Variants in RABGAP1L observed in about 807,000 individuals in gnomAD.
The protein encoded by RABGAP1L is RAB GTPase activating protein 1 like.
Under a neutral mutation model 137.7 loss-of-function variants are expected in RABGAP1L, and 63 were observed. That is an observed-to-expected ratio of 0.46 (90% CI 0.37 to 0.56). RABGAP1L has a LOEUF of 0.56. Ranked by LOEUF, RABGAP1L falls within the 20% of genes least tolerant of loss-of-function variation. The pLI, the probability that RABGAP1L is intolerant of heterozygous loss-of-function variation, is 0.00. For missense variants in RABGAP1L, 1,095 were observed against 1,244.0 expected (o/e 0.88, Z 1.80); for synonymous variants, 431 against 433.7 (o/e 0.99, Z 0.08).
chr1:174,399,144 T>G (rs1648241781), intron 13 of RABGAP1L, among the ~76,000 whole-genome samples: 1 of 152,100 alleles, frequency 6.6e-6, no homozygotes, highest in Non-Finnish European at 1.5e-5. Flanking sequence ...TAAAGTACAG[T>G]GGTATATTTA....
chr1:174,978,719 CTA>C (rs1209682903), intron 22 of RABGAP1L, 86 bp from the exon 23 acceptor site: 1 of 1,353,036 alleles, frequency 7.4e-7, no homozygotes, highest in Non-Finnish European at 9.6e-7. Context: ...TTGTTACTGA[CTA>C]TGAATCAGAC....
intron 14 of RABGAP1L, among the ~76,000 whole-genome samples, chr1:174,651,648 G>A (rs949766640): frequency 2.6e-5 from 4 of 152,058 alleles, no homozygotes; most frequent in Non-Finnish European, 4.4e-5. Context: ...TCAGAGACTA[G>A]GATTGCAACC....
At chr1:174,947,621 T>C (rs1667090780) in intron 19 of RABGAP1L, among the ~76,000 whole-genome samples, 1 of 151,790 alleles carries the variant, frequency 6.6e-6, no homozygotes, top group African/African-American at 2.4e-5. Context: ...GGTTCCACCA[T>C]GTTGGCCAGG....
intron 19 of RABGAP1L, among the ~76,000 whole-genome samples, chr1:174,866,110 G>GGAGAGAGAGA (rs34712612): frequency 3.2e-4 from 21 of 65,818 alleles, no homozygotes; most frequent in East Asian, 3.0e-3. Context: ...GGAGGGAGGG[G>GGAGAGAGAGA]GAGAGAGAGA....
At chr1:174,438,730 A>C (rs1653741928) in intron 13 of RABGAP1L, among the ~76,000 whole-genome samples, 1 of 116,288 alleles carries the variant, frequency 8.6e-6, no homozygotes, top group African/African-American at 4.0e-5. Context: ...AAAACCCAAA[A>C]AAAGTGTGTG....
intron 13 of RABGAP1L, among the ~76,000 whole-genome samples, chr1:174,596,209 C>T (rs1047281044): frequency 1.1e-4 from 10 of 91,488 alleles, no homozygotes; most frequent in African/African-American, 3.8e-4. Context: ...CGCCCTGCTT[C>T]GGCTCGCGCA....
chr1:174,406,584 C>T (rs919206075), intron 13 of RABGAP1L, among the ~76,000 whole-genome samples: 7 of 152,208 alleles, frequency 4.6e-5, no homozygotes, highest in South Asian at 4.1e-4. Context: ...CTTAATTATA[C>T]GACTGCCTTG....
intron 15 of RABGAP1L, among the ~76,000 whole-genome samples, chr1:174,693,979 A>G (rs994491105): frequency 1.3e-5 from 2 of 152,214 alleles, no homozygotes; most frequent in African/African-American, 4.8e-5. Flanking sequence ...CGTGGATGAA[A>G]AATATTTGGA....
At chr1:174,257,383 T>A (rs1380777495) in intron 7 of RABGAP1L, among the ~76,000 whole-genome samples, 2 of 152,202 alleles carry the variant, frequency 1.3e-5, no homozygotes, top group Non-Finnish European at 2.9e-5. Context: ...CCATGTTTGA[T>A]CAACTTGAAT....
chr1:174,750,693 G>A (rs1467103609), intron 17 of RABGAP1L, among the ~76,000 whole-genome samples: 1 of 152,198 alleles, frequency 6.6e-6, no homozygotes, highest in African/African-American at 2.4e-5. Context: ...AGAGCATTAT[G>A]AAGATGAGAA....
chr1:174,283,873 A>T (rs1433848716), intron 10 of RABGAP1L, among the ~76,000 whole-genome samples: 1 of 152,158 alleles, frequency 6.6e-6, no homozygotes, highest in African/African-American at 2.4e-5. Flanking sequence ...GTATCACTTC[A>T]TTTATTTAGC....
chr1:174,231,194 T>G lies in RABGAP1L; in HGVS notation c.381T>G (p.Asp127Glu), dbSNP rs760151938. 1 of 1,613,794 alleles carries G rather than the reference T, an allele frequency of 6.2e-7. No homozygotes were observed. Among genetic ancestry groups the G allele is most frequent in the East Asian group, 2.2e-5 (1 of 44,868 alleles). Residue 127 changes from aspartate to glutamate, a missense_variant, in exon 4 of 26, where the codon GAT (aspartate) becomes GAG (glutamate). Coordinates refer to ENST00000681986, the MANE Select transcript of RABGAP1L (RefSeq NM_001366446.1). Reference sequence around the variant, plus strand: ...CTCCAGGTGGACTACCTGAAGAAGATAGTGTTTTATTTAATAAACTGACCT... The same window carrying G: ...CTCCAGGTGGACTACCTGAAGAAGAGAGTGTTTTATTTAATAAACTGACCT... ...PSSPGGLPEE[D>E]SVLFNKLTYL...
chr1:174,978,973 G>C (rs1463061319), intron 23 of RABGAP1L, 83 bp downstream of exon 23: 4 of 1,394,148 alleles, frequency 2.9e-6, no homozygotes, highest in Middle Eastern at 2.4e-4. Context: ...GAGGCCAGGA[G>C]TTTGAGACTA....
At chr1:174,249,573 T>C (rs1672546586) in intron 5 of RABGAP1L, among the ~76,000 whole-genome samples, 1 of 152,020 alleles carries the variant, frequency 6.6e-6, no homozygotes, top group African/African-American at 2.4e-5. Flanking sequence ...AATGTCAGAG[T>C]TGTGAGAAGC....
In RABGAP1L at chr1:174,863,240, A is replaced by AAAAAAAAAG. The variant is rs1281230053; in HGVS notation, c.2340+51286_2340+51294dup. On this transcript the variant is annotated intron_variant, in intron 19 of 25. Coordinates refer to ENST00000681986, the MANE Select transcript of RABGAP1L (RefSeq NM_001366446.1). The stretch of plus-strand genomic sequence containing the variant: ...TACATGAGTTGTTTGTAGCAAAAAA[A>AAAAAAAAAG]AAAAAAAAGAAAAACAGTATATTTA... Among the ~76,000 whole-genome samples, 37 of 150,178 alleles carry AAAAAAAAAG rather than the reference A, an allele frequency of 2.5e-4. 1 individual carries two copies. The highest frequency in any genetic ancestry group is 1.2e-3 in the East Asian group (6 of 4,972).
chr1:174,409,474 A>G (rs912554471), intron 13 of RABGAP1L, among the ~76,000 whole-genome samples: 1 of 152,178 alleles, frequency 6.6e-6, no homozygotes. Context: ...TTTGAACAAT[A>G]TGAAATCAGT....
intron 11 of RABGAP1L, among the ~76,000 whole-genome samples, chr1:174,357,180 T>C (rs6684688): frequency 0.35 from 53,510 of 151,956 alleles, 12,067 homozygotes; most frequent in African/African-American, 0.64. Context: ...ATGTTAAAAT[T>C]TATAGAGGAA....
intron 13 of RABGAP1L, among the ~76,000 whole-genome samples, chr1:174,398,841 A>G (rs1298390431): frequency 6.6e-6 from 1 of 152,196 alleles, no homozygotes; most frequent in Non-Finnish European, 1.5e-5. Flanking sequence ...TAGTGACACT[A>G]GTTGAGATCT....
At chr1:174,599,308 C>A (rs1018625672) in intron 13 of RABGAP1L, among the ~76,000 whole-genome samples, 1 of 152,156 alleles carries the variant, frequency 6.6e-6, no homozygotes, top group African/African-American at 2.4e-5. Flanking sequence ...TCTTAAAACA[C>A]TGTTGTAGTT....
Sources: gnomAD v4.1 joint callset for allele counts (sites outside exome capture counted in the v4.1 genomes callset) on GRCh38, gnomAD v4.1.1 for gene constraint, MANE v1.5 for transcripts, NCBI Gene and HGNC (gene_info 2026-07-23, HGNC 2026-07-21) for gene names.